Variants in MYOM1 observed in about 807,000 individuals in gnomAD.
The protein encoded by MYOM1 is myomesin-1.
MYOM1 carries 164 observed loss-of-function variants against 205.3 expected under a neutral mutation model. The ratio of observed to expected loss-of-function variants is 0.80; its 90% CI spans 0.70 to 0.91. The LOEUF is 0.91. Among genes scored for constraint, MYOM1 ranks in the 40% least tolerant of loss-of-function variants. MYOM1 has a pLI of 0.00. For missense variants in MYOM1, 2,011 were observed against 2,127.3 expected, an observed-to-expected ratio of 0.95 and a Z score of 1.08; for synonymous variants, 772 against 789.4, an observed-to-expected ratio of 0.98 and a Z score of 0.37.
intron 14 of MYOM1, among the ~76,000 whole-genome samples, chr18:3,138,586 G>A (rs1219752662): frequency 2.0e-5 from 3 of 152,048 alleles, no homozygotes; most frequent in African/African-American, 7.3e-5. Context: ...GTCTCCTGAG[G>A]GACGAAACTC....
chr18:3,173,871 A>T, intron 8 of MYOM1, 67 bp downstream of exon 8: 1 of 1,415,396 alleles, frequency 7.1e-7, no homozygotes, highest in South Asian at 1.2e-5. Context: ...TTTCAGCATT[A>T]TGGGCTAACT....
At chr18:3,193,111 AT>A (rs2080934970) in intron 3 of MYOM1, among the ~76,000 whole-genome samples, 1 of 151,592 alleles carries the variant, frequency 6.6e-6, no homozygotes. Flanking sequence ...ACTACACATA[AT>A]TTTTTAAAAA....
At chr18:3,087,473 G>A (rs1013682324) in intron 29 of MYOM1, among the ~76,000 whole-genome samples, 55 of 151,156 alleles carry the variant, frequency 3.6e-4, no homozygotes, top group Non-Finnish European at 6.6e-4. Flanking sequence ...TGCAAGCTAG[G>A]GTTCCTCCTA....
chr18:3,100,335 A>G lies in MYOM1; in HGVS notation c.3667T>C (p.Leu1223=). 1.9e-6 allele frequency: 3 copies of G among 1,613,860 alleles called. No homozygotes were observed. In the South Asian group the frequency reaches 3.3e-5, roughly 18 times the overall value. ...TTAAACTTACCTTCCTCATCTATTA[A>G]GTAGCTTGATGCTATTCCATCAGTG... is the stretch of plus-strand genomic sequence containing the variant. The part of the protein sequence containing the change: ...TDTDGIASSY[L]IDEEELKRLL... The change falls in exon 24 of 38, where the codon TTA becomes CTA. Residue 1223 remains leucine, a synonymous_variant. Coordinates refer to ENST00000356443, the MANE Select transcript of MYOM1 (RefSeq NM_003803.4).
At chr18:3,233,107 A>G in the MYOM1 span, among the ~76,000 whole-genome samples, 1 of 152,198 alleles carries the variant, frequency 6.6e-6, no homozygotes, top group African/African-American at 2.4e-5. Context: ...GCCTTGGACA[A>G]TAGTTTTTAT....
the MYOM1 span, among the ~76,000 whole-genome samples, chr18:3,235,963 T>C: frequency 2.5e-4 from 38 of 152,330 alleles, no homozygotes; most frequent in African/African-American, 9.1e-4. Flanking sequence ...AGGTGGAAAG[T>C]TATGTGACTT....
upstream of MYOM1, among the ~76,000 whole-genome samples, chr18:3,224,960 C>T (rs552944347): frequency 6.5e-4 from 92 of 141,680 alleles, no homozygotes; most frequent in Middle Eastern, 0.019. Context: ...CCACCGTGCC[C>T]GGCCTATTAT....
intron 33 of MYOM1, among the ~76,000 whole-genome samples, chr18:3,082,590 A>C (rs1598652783): frequency 6.6e-6 from 1 of 152,254 alleles, no homozygotes; most frequent in Non-Finnish European, 1.5e-5. Flanking sequence ...GCTCCTAGGA[A>C]CATTTGCAGT....
chr18:3,175,767 A>G (rs554140685), intron 6 of MYOM1, among the ~76,000 whole-genome samples: 1 of 152,378 alleles, frequency 6.6e-6, no homozygotes, highest in South Asian at 2.1e-4. Context: ...TCCCAAGTAT[A>G]TAAAAAGATA....
chr18:3,233,855 A>G, the MYOM1 span, among the ~76,000 whole-genome samples: 1 of 152,244 alleles, frequency 6.6e-6, no homozygotes, highest in South Asian at 2.1e-4. Context: ...CGGGAAGAAT[A>G]ACAACAAAAA....
intron 14 of MYOM1, among the ~76,000 whole-genome samples, chr18:3,138,695 A>T (rs1478572619): frequency 6.6e-6 from 1 of 152,072 alleles, no homozygotes; most frequent in Non-Finnish European, 1.5e-5. Context: ...ATACTCTCAT[A>T]AAAAAATAGC....
rs372359086 is a variant in MYOM1 at position 3,174,222 on chromosome 18, C to A, written c.1023-14G>T. ...TCAAAATCACATCTGAAAGAACAGA[C>A]GGAAATGAATATCCATCGTAGTGAC... On this transcript the variant is annotated splice_polypyrimidine_tract_variant and intron_variant, in intron 6 of 37. Transcript: ENST00000356443. 20 of 1,605,814 alleles carry A rather than the reference C, an allele frequency of 1.2e-5. No individual in the cohort carries two copies. Among genetic ancestry groups the A allele is most frequent in the Non-Finnish European group, 1.6e-5 (19 of 1,173,868 alleles).
chr18:3,157,487 G>A (rs1323266897), intron 10 of MYOM1, among the ~76,000 whole-genome samples: 1 of 151,808 alleles, frequency 6.6e-6, no homozygotes, highest in African/African-American at 2.4e-5. Context: ...AGAGCAGCCT[G>A]GGCAACATGG....
chr18:3,129,558 G>A (rs1013370102), intron 17 of MYOM1, 39 bp from the exon 18 acceptor site: 5 of 1,574,712 alleles, frequency 3.2e-6, no homozygotes, highest in Admixed American at 1.8e-5. Context: ...CATTGAGCCC[G>A]GACAGAGTAT....
chr18:3,097,719 T>G (rs1183736764), intron 25 of MYOM1, among the ~76,000 whole-genome samples: 1 of 152,144 alleles, frequency 6.6e-6, no homozygotes. Flanking sequence ...ATGTCAGAGT[T>G]TTAATCACAT....
chr18:3,172,586 T>C (rs2144083152), intron 8 of MYOM1, among the ~76,000 whole-genome samples: 1 of 152,276 alleles, frequency 6.6e-6, no homozygotes, highest in African/African-American at 2.4e-5. Flanking sequence ...CTCGGCTTAC[T>C]GCAACCTCTG....
chr18:3,211,187 A>ATCCAGCTTACTTGCAAGAATGGAAGG (rs1448882521), intron 2 of MYOM1, among the ~76,000 whole-genome samples: 1 of 152,216 alleles, frequency 6.6e-6, no homozygotes, highest in Non-Finnish European at 1.5e-5. Context: ...CTAATGTATG[A>ATCCAGCTTACTTGCAAGAATGGAAGG]TCCAGCTTAC....
intron 1 of MYOM1, among the ~76,000 whole-genome samples, chr18:3,218,859 T>A (rs1323969381): frequency 6.6e-6 from 1 of 152,210 alleles, no homozygotes; most frequent in African/African-American, 2.4e-5. Context: ...CTCTCTTTAT[T>A]TCTATTTCTC....
chr18:3,229,244 A>G, the MYOM1 span, among the ~76,000 whole-genome samples: 2 of 152,200 alleles, frequency 1.3e-5, no homozygotes, highest in Non-Finnish European at 2.9e-5. Context: ...CTGGCTATAC[A>G]TTAGTATCAC....
Sources: allele counts gnomAD v4.1 joint callset (sites outside exome capture counted in the v4.1 genomes callset), GRCh38; gene constraint gnomAD v4.1.1; transcripts MANE v1.5; gene names NCBI Gene and HGNC (gene_info 2026-07-23, HGNC 2026-07-21).